The following LMBR1 variants were observed in gnomAD, a reference collection of about 807,000 sequenced individuals.
The protein encoded by LMBR1 is limb region 1 protein homolog.
LMBR1 carries 52 observed loss-of-function variants against 73.9 expected under a neutral mutation model. That is an observed-to-expected ratio of 0.70 (90% CI 0.56 to 0.89). The LOEUF (loss-of-function observed/expected upper bound fraction) is 0.89. Among genes scored for constraint, LMBR1 ranks in the 40% least tolerant of loss-of-function variants. The probability of loss-of-function intolerance (pLI) is 0.00; values close to 1 mark genes in which losing one functional copy is unlikely to be tolerated. For missense variants in LMBR1, 539 were observed against 579.8 expected, an observed-to-expected ratio of 0.93 and a Z score of 0.72; for synonymous variants, 215 against 209.4, an observed-to-expected ratio of 1.03 and a Z score of -0.23.
intron 5 of LMBR1, among the ~76,000 whole-genome samples, chr7:156,780,474 T>TA (rs1308245295): frequency 6.6e-6 from 1 of 152,150 alleles, no homozygotes; most frequent in Non-Finnish European, 1.5e-5. Context: ...AAGACTATGG[T>TA]AACTAGATAT....
intron 9 of LMBR1, among the ~76,000 whole-genome samples, chr7:156,739,291 A>G (rs943322071): frequency 3.3e-5 from 5 of 151,890 alleles, no homozygotes; most frequent in Admixed American, 2.6e-4. Context: ...CAGAACACCA[A>G]CTAGATTTCT....
At chr7:156,886,949 G>A (rs1400978222) in intron 1 of LMBR1, among the ~76,000 whole-genome samples, 1 of 152,150 alleles carries the variant, frequency 6.6e-6, no homozygotes, top group Non-Finnish European at 1.5e-5. Context: ...TTCTGGTTGG[G>A]AATTCAGTTT....
At chr7:156,780,579 T>C (rs1354683994) in intron 5 of LMBR1, among the ~76,000 whole-genome samples, 1 of 152,250 alleles carries the variant, frequency 6.6e-6, no homozygotes, top group Non-Finnish European at 1.5e-5. Context: ...AGTAAGGCTC[T>C]TTTCTTCTAT....
At chr7:156,690,986 A>G (rs1225992471) in intron 15 of LMBR1, among the ~76,000 whole-genome samples, 1 of 152,234 alleles carries the variant, frequency 6.6e-6, no homozygotes, top group East Asian at 1.9e-4. Context: ...GGCAATACTC[A>G]GACAAAGCTT....
chr7:156,741,360 T>A (rs1440773206), intron 9 of LMBR1, among the ~76,000 whole-genome samples: 3 of 152,112 alleles, frequency 2.0e-5, no homozygotes, highest in Admixed American at 1.3e-4. Context: ...GACATAGTGA[T>A]TCAATGGATA....
intron 16 of LMBR1, among the ~76,000 whole-genome samples, chr7:156,687,308 T>C (rs1806187582): frequency 6.6e-6 from 1 of 152,204 alleles, no homozygotes; most frequent in Admixed American, 6.5e-5. Flanking sequence ...TGCCTTTCCC[T>C]TCTTCTGTCA....
chr7:156,892,722 A>C, intron 1 of LMBR1: 35 of 285,084 alleles, frequency 1.2e-4, no homozygotes, highest in East Asian at 4.1e-4. Flanking sequence ...GAGGAAGCGA[A>C]GGGGAGGGGA....
intron 1 of LMBR1, among the ~76,000 whole-genome samples, chr7:156,876,902 C>T (rs148860087): frequency 0.03 from 4,512 of 152,072 alleles, 90 homozygotes; most frequent in Middle Eastern, 0.065. Context: ...TAAGGTCACA[C>T]CTCAAGGAAC....
At chr7:156,696,479 G>T (rs915246270) in intron 15 of LMBR1, among the ~76,000 whole-genome samples, 11 of 152,146 alleles carry the variant, frequency 7.2e-5, no homozygotes, top group Non-Finnish European at 1.3e-4. Flanking sequence ...AGACATACCC[G>T]AGACTGGGAA....
At chr7:156,704,839 C>T (rs12671098) in intron 15 of LMBR1, among the ~76,000 whole-genome samples, 18,651 of 149,638 alleles carry the variant, frequency 0.12, 1,429 homozygotes, top group Middle Eastern at 0.23. Context: ...CAACAATAGA[C>T]CAATAGAAGA....
chr7:156,712,538 T>C (rs1812291698), intron 15 of LMBR1, among the ~76,000 whole-genome samples: 1 of 152,138 alleles, frequency 6.6e-6, no homozygotes, highest in South Asian at 2.1e-4. Context: ...AAAGAAATCA[T>C]TATATCAAAA....
At chr7:156,731,265 C>A (rs1816783232) in intron 10 of LMBR1, among the ~76,000 whole-genome samples, 1 of 151,914 alleles carries the variant, frequency 6.6e-6, no homozygotes, top group Non-Finnish European at 1.5e-5. Flanking sequence ...GAGATAAATA[C>A]AGAAAAGAAT....
intron 4 of LMBR1, among the ~76,000 whole-genome samples, chr7:156,817,561 A>G (rs1456327888): frequency 2.6e-5 from 4 of 152,054 alleles, no homozygotes; most frequent in African/African-American, 2.4e-5. Context: ...AGAACTTCAG[A>G]ATTAGAATAG....
rs551242231 is a variant in LMBR1, at chr7:156,769,436, G to A, written c.424-5641C>T. Among the ~76,000 whole-genome samples the A allele has an allele frequency of 1.6e-4, 24 of 152,114 alleles. No homozygotes were observed. In the South Asian group the frequency reaches 4.4e-3, roughly 28 times the overall value. On this transcript the variant is annotated intron_variant, in intron 5 of 16. Transcript: ENST00000353442. ...AATTACCAGGGGCCCTTCCTCCTCCGCCTCCCTCTCACCACTGAGTTGAGC... is the reference window on the plus strand; with the variant it reads ...AATTACCAGGGGCCCTTCCTCCTCCACCTCCCTCTCACCACTGAGTTGAGC...
intron 4 of LMBR1, among the ~76,000 whole-genome samples, chr7:156,803,760 T>C (rs1831460218): frequency 1.3e-5 from 2 of 151,672 alleles, no homozygotes; most frequent in South Asian, 2.1e-4. Context: ...CCAACAATGA[T>C]AGACTGGATT....
intron 5 of LMBR1, among the ~76,000 whole-genome samples, chr7:156,780,183 A>G (rs1213746438): frequency 6.6e-6 from 1 of 152,226 alleles, no homozygotes; most frequent in Non-Finnish European, 1.5e-5. Context: ...TTAATATGCT[A>G]TGCAGTCTAT....
chr7:156,891,211 A>AAAAAAAAAAAT (rs1802875174), intron 1 of LMBR1, among the ~76,000 whole-genome samples: 1 of 81,488 alleles, frequency 1.2e-5, no homozygotes, highest in African/African-American at 5.2e-5. Flanking sequence ...AAAAAAAAAA[A>AAAAAAAAAAAT]ATATATATAT....
intron 1 of LMBR1, among the ~76,000 whole-genome samples, chr7:156,871,222 C>T (rs978800708): frequency 6.6e-6 from 1 of 152,242 alleles, no homozygotes; most frequent in East Asian, 1.9e-4. Context: ...ACATAACACC[C>T]TACCAACAAG....
intron 7 of LMBR1, 69 bp downstream of exon 7, chr7:156,763,039 C>T (rs562461449): frequency 1.2e-6 from 1 of 812,494 alleles, no homozygotes; most frequent in Admixed American, 2.7e-5. Flanking sequence ...CATCAGAAAA[C>T]TTCCCTGAAT....
Sources: allele counts gnomAD v4.1 joint callset (sites outside exome capture counted in the v4.1 genomes callset), GRCh38; gene constraint gnomAD v4.1.1; transcripts MANE v1.5; gene names NCBI Gene and HGNC (gene_info 2026-07-23, HGNC 2026-07-21).